Variants in CPEB2 observed in about 807,000 individuals in gnomAD.
CPEB2 encodes cytoplasmic polyadenylation element-binding protein 2.
A neutral mutation model predicts 93.6 loss-of-function variants in CPEB2; 56 were observed. The observed-to-expected ratio is 0.60, with a 90% CI of 0.48 to 0.75. The LOEUF (loss-of-function observed/expected upper bound fraction) is 0.75. Ranked by LOEUF, CPEB2 falls within the 30% of genes least tolerant of loss-of-function variation. CPEB2 has a pLI of 0.00. For synonymous variants in CPEB2, 764 were observed against 586.3 expected, an observed-to-expected ratio of 1.30 and a Z score of -4.38; for missense variants, 1,579 against 1,395.1, an observed-to-expected ratio of 1.13 and a Z score of -2.10.
Position 15,026,713 on chromosome 4 carries a change from T to G in CPEB2, c.2126-6448T>G, listed in dbSNP as rs1402170705. The stretch of plus-strand genomic sequence containing the variant: ...CTCATAATTCATACTCTTCAAAATA[T>G]TGATTTAGAACTTTAAAGAATTCCT... On this transcript the variant is annotated intron_variant, in intron 4 of 11. Transcript: ENST00000538197. Among the ~76,000 whole-genome samples, 4 of 152,312 alleles carry G rather than the reference T, an allele frequency of 2.6e-5. No homozygotes were observed. The East Asian group carries it at 7.7e-4, about 29-fold the overall frequency.
Position 15,003,208 on chromosome 4 carries a change from A to G in CPEB2, c.535A>G (p.Arg179Gly), listed in dbSNP as rs1230516785. The G allele has an allele frequency of 2.0e-6, 3 of 1,533,464 alleles. No individual in the cohort carries two copies. Among genetic ancestry groups the G allele is most frequent in the Admixed American group, 3.9e-5 (2 of 50,838 alleles). 95.0% of individuals were successfully genotyped at this position (1,533,464 alleles called of 1,614,324 possible). The change falls in exon 1 of 12, where the codon AGG (arginine) becomes GGG (glycine). Residue 179 changes from arginine (R) to glycine (G), a missense_variant. Physicochemically the swap from Arg to Gly is moderately radical, Grantham distance 125. Transcript: ENST00000538197. ...GCAGCAGCAGCTGAGCAGCCAGAAG[A>G]GGAAAGAGTTCAGCCCTCCCCACCT... is the stretch of plus-strand genomic sequence containing the variant. Reference protein sequence around the residue: ...RQQQQLSSQKRKEFSPPHLPH... With the variant: ...RQQQQLSSQKGKEFSPPHLPH...
chr4:15,057,548 A>G (rs1728829779), intron 8 of CPEB2, among the ~76,000 whole-genome samples: 1 of 152,192 alleles, frequency 6.6e-6, no homozygotes. Flanking sequence ...TAATGGATAG[A>G]TCATTTATAG....
chr4:15,021,031 A>G (rs1724744982), intron 4 of CPEB2, among the ~76,000 whole-genome samples: 1 of 152,140 alleles, frequency 6.6e-6, no homozygotes, highest in Non-Finnish European at 1.5e-5. Context: ...AGAGATTGTT[A>G]CATTTGAGGA....
intron 8 of CPEB2, among the ~76,000 whole-genome samples, chr4:15,056,529 T>C (rs897407205): frequency 6.6e-6 from 1 of 152,240 alleles, no homozygotes; most frequent in Non-Finnish European, 1.5e-5. Context: ...AAATTGGCAC[T>C]GGCAAATCAT....
intron 11 of CPEB2, 39 bp from the exon 12 acceptor site, chr4:15,066,114 A>G: frequency 6.6e-7 from 1 of 1,524,164 alleles, no homozygotes; most frequent in Non-Finnish European, 9.1e-7. Flanking sequence ...TGATTTCTGA[A>G]GCAGACCCTA....
At chr4:15,031,213 C>T (rs369722452) in intron 4 of CPEB2, among the ~76,000 whole-genome samples, 5 of 151,850 alleles carry the variant, frequency 3.3e-5, no homozygotes, top group African/African-American at 1.2e-4. Context: ...CTGTCAGTAT[C>T]GTAGATTTAA....
chr4:15,024,606 T>C (rs1482518522), intron 4 of CPEB2, among the ~76,000 whole-genome samples: 2 of 152,172 alleles, frequency 1.3e-5, no homozygotes, highest in Non-Finnish European at 2.9e-5. Flanking sequence ...ATGTGTATCT[T>C]GGAATGTGTA....
At chr4:15,024,274 C>A (rs944734376) in intron 4 of CPEB2, among the ~76,000 whole-genome samples, 1 of 151,940 alleles carries the variant, frequency 6.6e-6, no homozygotes, top group Non-Finnish European at 1.5e-5. Flanking sequence ...TAATGACTTA[C>A]ACCTTTGTTT....
At chr4:15,043,787 C>T (rs1727409474) in intron 6 of CPEB2, among the ~76,000 whole-genome samples, 1 of 151,540 alleles carries the variant, frequency 6.6e-6, no homozygotes, top group Middle Eastern at 3.2e-3. Flanking sequence ...GCAAGGAAAC[C>T]CAGAGCTTGA....
intron 11 of CPEB2, among the ~76,000 whole-genome samples, chr4:15,062,858 C>T (rs1057452586): frequency 3.3e-5 from 5 of 152,078 alleles, no homozygotes; most frequent in Admixed American, 2.6e-4. Flanking sequence ...ACAATAAGAA[C>T]TTGTAAGAAG....
chr4:15,043,891 C>A (rs1727420383), intron 6 of CPEB2, among the ~76,000 whole-genome samples: 1 of 151,850 alleles, frequency 6.6e-6, no homozygotes, highest in Admixed American at 6.6e-5. Context: ...TTGATTTATT[C>A]ATAGTGTATA....
chr4:15,062,478 A>G (rs1461525550), intron 11 of CPEB2, among the ~76,000 whole-genome samples: 1 of 152,096 alleles, frequency 6.6e-6, no homozygotes, highest in African/African-American at 2.4e-5. Flanking sequence ...TTGTGCAGCC[A>G]TGTCAAAATT....
At chr4:15,049,033 A>G (rs755810845) in intron 6 of CPEB2, among the ~76,000 whole-genome samples, 2 of 152,016 alleles carry the variant, frequency 1.3e-5, no homozygotes, top group African/African-American at 2.4e-5. Flanking sequence ...AGCAGTCATT[A>G]TTGTCCAACA....
rs1487414725 is a variant in CPEB2 at position 15,004,081 on chromosome 4, C to G, written c.1408C>G (p.Pro470Ala). The G allele has an allele frequency of 7.0e-6, 11 of 1,565,488 alleles. No homozygotes were observed. The highest frequency in any genetic ancestry group is 1.4e-5 in the African/African-American group (1 of 70,404). ...CTTCCCTAGCTTCTCGCCCGTGTCG[C>G]CGCACGGCTGCACTGGGCTCAGCGT... Reference protein sequence around the residue: ...AFFPSFSPVSPHGCTGLSVPT... With the variant: ...AFFPSFSPVSAHGCTGLSVPT... Residue 470 changes from proline (P) to alanine (A), a missense_variant, in exon 1 of 12, where the codon CCG (proline) becomes GCG (alanine). This residue lies in a region of CPEB2 where 1,411 missense variants were observed against 1,056.0 expected (regional missense o/e 1.34). Transcript: ENST00000538197.
Position 15,002,868 on chromosome 4 carries a change from C to A in CPEB2, c.195C>A (p.Phe65Leu). The change falls in exon 1 of 12, where the codon TTC (phenylalanine) becomes TTA (leucine). Residue 65 changes from phenylalanine (F) to leucine (L), a missense_variant. Phe to Leu is a conservative substitution (Grantham distance 22). Around this residue, in one of 2 missense-constraint regions of CPEB2, gnomAD observed 1,411 missense variants for 1,056.0 expected, o/e 1.34. Transcript: ENST00000538197. ...GCTTCTTAGAGGCCGCCTCCCCCTTCTCCGTCCCCCTCGGCGGCGGCGCGG... is the reference window on the plus strand; with the variant it reads ...GCTTCTTAGAGGCCGCCTCCCCCTTATCCGTCCCCCTCGGCGGCGGCGCGG... ...VTGFLEAASP[F>L]SVPLGGGAGS... The A allele has an allele frequency of 7.2e-6, 11 of 1,528,830 alleles. No individual in the cohort carries two copies. Among genetic ancestry groups the A allele is most frequent in the Non-Finnish European group, 7.9e-6 (9 of 1,144,768 alleles). 94.7% of individuals were successfully genotyped at this position (1,528,830 alleles called of 1,614,324 possible).
intron 4 of CPEB2, among the ~76,000 whole-genome samples, chr4:15,031,824 A>T (rs187081396): frequency 4.0e-4 from 61 of 152,262 alleles, no homozygotes; most frequent in African/African-American, 1.3e-3. Context: ...TAGATGATCA[A>T]ACTCTTTAAT....
At chr4:15,007,162 TG>T (rs2108952378) in intron 1 of CPEB2, 142 bp from the exon 2 acceptor site, 1 of 618,146 alleles carries the variant, frequency 1.6e-6, no homozygotes, top group East Asian at 3.1e-5. Context: ...ATCTCAAGAC[TG>T]TTACTTTTAT....
At chr4:15,022,882 T>TA (rs1461844256) in intron 4 of CPEB2, among the ~76,000 whole-genome samples, 1 of 152,078 alleles carries the variant, frequency 6.6e-6, no homozygotes, top group Non-Finnish European at 1.5e-5. Flanking sequence ...GTTTTTGTTT[T>TA]AAAAAAACAT....
chr4:15,003,330 CCAGCCGGCGCAGCTCGCT>C lies in CPEB2; in HGVS notation c.662_679del (p.Pro221_Gln226del). 5.7e-6 allele frequency: 8 copies of C among 1,405,758 alleles called. No homozygotes were observed. The highest frequency in any genetic ancestry group is 7.3e-6 in the Non-Finnish European group (8 of 1,093,822). 87.1% of individuals were successfully genotyped at this position (1,405,758 alleles called of 1,614,324 possible). ...CGCCGCCGCCAGCCGGCCCGCTCCT[CCAGCCGGCGCAGCTCGCT>C]CAGCGCCAGCAGCAACAGCCGCCGC... is the stretch of plus-strand genomic sequence containing the variant. On this transcript the variant is annotated inframe_deletion, in exon 1 of 12. Coordinates refer to ENST00000538197, the MANE Select transcript of CPEB2 (RefSeq NM_001177382.2).
Sources: gnomAD v4.1 joint callset for allele counts (sites outside exome capture counted in the v4.1 genomes callset) on GRCh38, gnomAD v4.1.1 for gene constraint, gnomAD v4.1.1 regional missense constraint, MANE v1.5 for transcripts, NCBI Gene and HGNC (gene_info 2026-07-23, HGNC 2026-07-21) for gene names.